The following GALNTL6 variants were observed in gnomAD, a reference collection of about 807,000 sequenced individuals.
GALNTL6 encodes the protein polypeptide N-acetylgalactosaminyltransferase like 6, also known as polypeptide N-acetylgalactosaminyltransferase-like 6.
A neutral mutation model predicts 73.7 loss-of-function variants in GALNTL6; 46 were observed. The observed-to-expected ratio is 0.62, with a 90% confidence interval of 0.49 to 0.80. The LOEUF (loss-of-function observed/expected upper bound fraction) is 0.80. Ranked by LOEUF, GALNTL6 falls within the 30% of genes least tolerant of loss-of-function variation. The pLI is 0.00. For synonymous variants in GALNTL6, 259 were observed against 263.7 expected (o/e 0.98, Z 0.17); for missense variants, 604 against 755.0 (o/e 0.80, Z 2.34).
At chr4:172,778,302 A>G (rs1322117583) in intron 5 of GALNTL6, among the ~76,000 whole-genome samples, 1 of 152,230 alleles carries the variant, frequency 6.6e-6, no homozygotes, top group Non-Finnish European at 1.5e-5. Flanking sequence ...CATATTCCAC[A>G]CAACACAGAA....
At chr4:172,303,871 A>G (rs1740030408) in intron 3 of GALNTL6, among the ~76,000 whole-genome samples, 1 of 152,120 alleles carries the variant, frequency 6.6e-6, no homozygotes, top group Non-Finnish European at 1.5e-5. Flanking sequence ...ATGAAACAGT[A>G]GTTACTGTCT....
chr4:173,000,302 C>T (rs1017869671), intron 10 of GALNTL6, among the ~76,000 whole-genome samples: 4 of 152,128 alleles, frequency 2.6e-5, no homozygotes, highest in African/African-American at 9.7e-5. Flanking sequence ...GTGCATTTAA[C>T]CACTACATTA....
intron 5 of GALNTL6, among the ~76,000 whole-genome samples, chr4:172,561,259 CAAAA>C (rs59249298): frequency 3.3e-5 from 2 of 60,128 alleles, no homozygotes; most frequent in Non-Finnish European, 2.7e-5. Flanking sequence ...GACTCCGTCT[CAAAA>C]AAAAAAAAAA....
At chr4:172,961,312 C>T (rs1205174295) in intron 10 of GALNTL6, among the ~76,000 whole-genome samples, 1 of 139,134 alleles carries the variant, frequency 7.2e-6, no homozygotes, top group Non-Finnish European at 1.6e-5. Flanking sequence ...TGCTTGCCCC[C>T]CCAGGAAAGT....
chr4:172,037,476 ATACTGTGATGC>A (rs1399604411), intron 2 of GALNTL6, among the ~76,000 whole-genome samples: 1 of 152,160 alleles, frequency 6.6e-6, no homozygotes, highest in Non-Finnish European at 1.5e-5. Context: ...GGAAAACTAG[ATACTGTGATGC>A]TATACCTGCT....
chr4:172,480,245 C>T (rs1411606501), intron 5 of GALNTL6, among the ~76,000 whole-genome samples: 3 of 151,594 alleles, frequency 2.0e-5, no homozygotes, highest in South Asian at 2.1e-4. Flanking sequence ...CCTAGGAGTT[C>T]GAGGTTGCCA....
At chr4:172,146,671 T>C (rs1362805578) in intron 2 of GALNTL6, among the ~76,000 whole-genome samples, 3 of 152,228 alleles carry the variant, frequency 2.0e-5, no homozygotes, top group African/African-American at 7.2e-5. Flanking sequence ...GTATGGTTTA[T>C]TATGCTTTGT....
intron 9 of GALNTL6, among the ~76,000 whole-genome samples, chr4:172,941,940 A>G (rs1748940446): frequency 1.3e-5 from 2 of 152,216 alleles, no homozygotes; most frequent in South Asian, 4.1e-4. Flanking sequence ...GGGCCTCTGC[A>G]ATTTCATTCC....
At chr4:172,046,897 G>A (rs1742236355) in intron 2 of GALNTL6, among the ~76,000 whole-genome samples, 1 of 151,746 alleles carries the variant, frequency 6.6e-6, no homozygotes, top group African/African-American at 2.4e-5. Flanking sequence ...GTCTATTTTT[G>A]CTTTTATTGC....
chr4:172,037,709 C>A (rs1356456147), intron 2 of GALNTL6, among the ~76,000 whole-genome samples: 2 of 152,172 alleles, frequency 1.3e-5, no homozygotes, highest in Non-Finnish European at 2.9e-5. Flanking sequence ...AAATAACAAA[C>A]CTCAAACTAT....
intron 5 of GALNTL6, among the ~76,000 whole-genome samples, chr4:172,753,618 G>GA (rs910905678): frequency 3.8e-4 from 57 of 150,844 alleles, no homozygotes; most frequent in African/African-American, 1.0e-3. Flanking sequence ...ATTTGAAACA[G>GA]AAAAAAAAAT....
At chr4:172,814,449 T>A (rs6825491) in intron 7 of GALNTL6, among the ~76,000 whole-genome samples, 2,668 of 152,300 alleles carry the variant, frequency 0.018, 69 homozygotes, top group African/African-American at 0.058. Flanking sequence ...TAGTGAATGG[T>A]AAACTTTTTC....
rs144448658 is a variant in GALNTL6 at position 172,050,262 on chromosome 4, T to G, written c.139-179394T>G. ...GCACCAAGAAAGGAGAATCAGGCGG[T>G]TCAGGCTTTAGTCCCAACTTCCCCA... is the stretch of plus-strand genomic sequence containing the variant. On this transcript the variant is annotated intron_variant, in intron 2 of 12. Transcript: ENST00000506823. 7.5e-4 allele frequency among the ~76,000 whole-genome samples: 114 copies of G among 152,110 alleles called. 2 individuals are homozygous for G. The East Asian group carries it at 0.021, about 28-fold the overall frequency.
At chr4:171,910,775 A>T (rs1381748402) in intron 2 of GALNTL6, among the ~76,000 whole-genome samples, 2 of 152,186 alleles carry the variant, frequency 1.3e-5, no homozygotes, top group Non-Finnish European at 2.9e-5. Context: ...TTTAGATAAT[A>T]TAATCATGTT....
intron 5 of GALNTL6, among the ~76,000 whole-genome samples, chr4:172,771,457 A>G (rs753734969): frequency 6.6e-6 from 1 of 152,200 alleles, no homozygotes; most frequent in East Asian, 1.9e-4. Flanking sequence ...TCCATTAATC[A>G]CTAGGTGTAA....
intron 7 of GALNTL6, among the ~76,000 whole-genome samples, chr4:172,873,678 A>T (rs915574459): frequency 2.0e-5 from 3 of 152,208 alleles, no homozygotes; most frequent in African/African-American, 7.2e-5. Context: ...AAATAAGGTG[A>T]TGCTTTTTTC....
intron 2 of GALNTL6, among the ~76,000 whole-genome samples, chr4:171,897,923 T>A (rs927721552): frequency 4.0e-5 from 6 of 150,654 alleles, no homozygotes; most frequent in African/African-American, 1.5e-4. Flanking sequence ...TGAGACTCTG[T>A]CTCAAAAATA....
chr4:172,157,661 T>A (rs1489560441), intron 2 of GALNTL6, among the ~76,000 whole-genome samples: 2 of 152,194 alleles, frequency 1.3e-5, no homozygotes, highest in Non-Finnish European at 2.9e-5. Context: ...ATCATAAAGC[T>A]GATTTGTATT....
chr4:172,025,488 G>A (rs1397791108), intron 2 of GALNTL6, among the ~76,000 whole-genome samples: 2 of 151,668 alleles, frequency 1.3e-5, no homozygotes, highest in Admixed American at 6.6e-5. Flanking sequence ...GCTTTTCAAA[G>A]AGAAATAATA....
Sources: allele counts gnomAD v4.1 joint callset (sites outside exome capture counted in the v4.1 genomes callset), GRCh38; gene constraint gnomAD v4.1.1; transcripts MANE v1.5; gene names NCBI Gene and HGNC (gene_info 2026-07-23, HGNC 2026-07-21).